Variants in WFIKKN2 observed in about 807,000 individuals in gnomAD.
WFIKKN2 encodes WAP, follistatin/kazal, immunoglobulin, kunitz and netrin domain containing 2.
WFIKKN2 carries 25 observed loss-of-function variants against 39.2 expected under a neutral mutation model. The ratio of observed to expected loss-of-function variants is 0.64; its 90% CI spans 0.47 to 0.89. The LOEUF is 0.89. Ranked by LOEUF, WFIKKN2 falls within the 40% of genes least tolerant of loss-of-function variation. The pLI, the probability that WFIKKN2 is intolerant of heterozygous loss-of-function variation, is 0.00. For missense variants in WFIKKN2, 770 were observed against 811.7 expected (o/e 0.95, Z 0.62); for synonymous variants, 345 against 329.7 (o/e 1.05, Z -0.50).
Position 50,839,895 on chromosome 17 carries a change from C to A in WFIKKN2, c.607C>A (p.Pro203Thr), listed in dbSNP as rs1339861171. Residue 203 changes from proline (P) to threonine (T), a missense_variant, in exon 2 of 2, where the codon CCT (proline) becomes ACT (threonine). Physicochemically the swap from Pro to Thr is conservative, Grantham distance 38. Transcript: ENST00000311378. ...MHPTTASPET[P>T]ELDMAAPALL... ...CCCCACCACAGCCTCCCCAGAGACC[C>A]CTGAGCTGGACATGGCGGCCCCTGC... The A allele has an allele frequency of 6.2e-7, 1 of 1,614,066 alleles. No homozygotes were observed. Among genetic ancestry groups the A allele is most frequent in the African/African-American group, 1.3e-5 (1 of 74,928 alleles).
At position 50,840,061 on chromosome 17, in the gene WFIKKN2, A is replaced by G. The variant is rs771358823; in HGVS notation, c.773A>G (p.Asn258Ser). Residue 258 changes from asparagine to serine, a missense_variant, in exon 2 of 2, where the codon AAC (asparagine) becomes AGC (serine). Physicochemically the swap from Asn to Ser is conservative, Grantham distance 46. Transcript: ENST00000311378. ...CGGGAGAATGTGGTCATGCGGCCCA[A>G]CCATGTGCGTGGCAACGTGGTGGTC... is the stretch of plus-strand genomic sequence containing the variant. ...EDRENVVMRP[N>S]HVRGNVVVTN... 6.2e-7 allele frequency: 1 copy of G among 1,614,184 alleles called. No individual in the cohort carries two copies. The highest frequency in any genetic ancestry group is 1.1e-5 in the South Asian group (1 of 91,084).
chr17:50,835,945 C>T lies in WFIKKN2; in HGVS notation c.8C>T (p.Ala3Val), dbSNP rs781246142. Residue 3 changes from alanine (A) to valine (V), a missense_variant, in exon 1 of 2, where the codon GCC becomes GTC. By Grantham distance (64) the Ala-to-Val change is moderately conservative (BLOSUM62 0). Coordinates refer to ENST00000311378, the MANE Select transcript of WFIKKN2 (RefSeq NM_175575.6). The part of the protein sequence containing the change: MW[A>V]PRCRRFWSRW... Reference sequence around the variant, plus strand: ...GCCGCCCCAGCCTGCACCATGTGGGCCCCAAGGTGTCGCCGGTTCTGGTCT... The same window carrying T: ...GCCGCCCCAGCCTGCACCATGTGGGTCCCAAGGTGTCGCCGGTTCTGGTCT... 1 of 1,611,042 alleles carries T rather than the reference C, an allele frequency of 6.2e-7. No individual in the cohort carries two copies. The highest frequency in any genetic ancestry group is 8.5e-7 in the Non-Finnish European group (1 of 1,178,866).
In WFIKKN2 at chr17:50,839,844, CCCCCACCACCTGAGACCACCATGCA is replaced by C; in HGVS notation, c.566_590del (p.Pro189GlnfsTer31). The C allele has an allele frequency of 1.2e-6, 2 of 1,614,196 alleles. No individual in the cohort carries two copies. Among genetic ancestry groups the C allele is most frequent in the Non-Finnish European group, 8.5e-7 (1 of 1,180,034 alleles). Reference sequence around the variant, plus strand: ...TCACTTCACCTGGCCCAACACCAGCCCCCCACCACCTGAGACCACCATGCACCCCACCACAGCCTCCCCAGAGACC... The same window carrying C: ...TCACTTCACCTGGCCCAACACCAGCCCCCCACCACAGCCTCCCCAGAGACC... On this transcript the variant is annotated frameshift_variant, in exon 2 of 2. Coordinates refer to ENST00000311378, the MANE Select transcript of WFIKKN2 (RefSeq NM_175575.6). LOFTEE classifies it high-confidence loss of function.
At chr17:50,838,656 C>T (rs1971989758) in intron 1 of WFIKKN2, among the ~76,000 whole-genome samples, 1 of 152,228 alleles carries the variant, frequency 6.6e-6, no homozygotes, top group South Asian at 2.1e-4. Flanking sequence ...CTGACCTTTG[C>T]CACACAAGGG....
Position 50,841,631 on chromosome 17 carries a change from G to C in WFIKKN2, c.*612G>C, listed in dbSNP as rs915242960. On this transcript the variant is annotated 3_prime_UTR_variant, in exon 2 of 2. Transcript: ENST00000311378. ...TGGGTGGTGGTCGGCTTGCCTCTGA[G>C]GCCACCACGGCACCAGCAGAATACG... The C allele has an allele frequency of 6.6e-6, 1 of 152,204 alleles. No homozygotes were observed. The highest frequency in any genetic ancestry group is 1.5e-5 in the Non-Finnish European group (1 of 68,110). The allele number at this position is 152,204 out of a possible 1,614,324, so 9.4% of individuals were successfully genotyped here. A position where few individuals can be genotyped will look rare whatever the true frequency, so the allele number is the denominator to read the frequency against.
At chr17:50,838,797 C>T (rs145036852) in intron 1 of WFIKKN2, among the ~76,000 whole-genome samples, 21 of 152,276 alleles carry the variant, frequency 1.4e-4, no homozygotes, top group Admixed American at 3.9e-4. Context: ...GGCTGTGGAT[C>T]GATCTGGGCC....
At position 50,839,527 on chromosome 17, in the gene WFIKKN2, C is replaced by T; in HGVS notation, c.239C>T (p.Pro80Leu). ...QECETYEKCC[P>L]NVCGTKSCVA... ...TGTGAGACCTATGAGAAGTGCTGCCCCAACGTATGTGGGACCAAGAGCTGC... is the reference window on the plus strand; with the variant it reads ...TGTGAGACCTATGAGAAGTGCTGCCTCAACGTATGTGGGACCAAGAGCTGC... Residue 80 changes from proline to leucine, a missense_variant, in exon 2 of 2, where the codon CCC (proline) becomes CTC (leucine). Pro to Leu is a moderately conservative substitution (Grantham distance 98, BLOSUM62 -3). Transcript: ENST00000311378. The T allele has an allele frequency of 6.2e-7, 1 of 1,613,952 alleles. No individual in the cohort carries two copies. Among genetic ancestry groups the T allele is most frequent in the Non-Finnish European group, 8.5e-7 (1 of 1,179,908 alleles).
At position 50,839,779 on chromosome 17, in the gene WFIKKN2, G is replaced by T; in HGVS notation, c.491G>T (p.Cys164Phe). ...CGCTGCTACATGGATGCCGAGGCCT[G>T]CTCCAAAGGCATCACACTGGCCGTT... ...YNRCYMDAEA[C>F]SKGITLAVVT... The change falls in exon 2 of 2, where the codon TGC (cysteine) becomes TTC (phenylalanine). Residue 164 changes from cysteine to phenylalanine, a missense_variant. Cys to Phe is a radical substitution (Grantham distance 205, BLOSUM62 -2). Transcript: ENST00000311378. 6.2e-7 allele frequency: 1 copy of T among 1,614,246 alleles called. No individual in the cohort carries two copies. The highest frequency in any genetic ancestry group is 8.5e-7 in the Non-Finnish European group (1 of 1,180,046).
intron 1 of WFIKKN2, 149 bp from the exon 2 acceptor site, chr17:50,839,350 C>T (rs557863263): frequency 1.4e-5 from 10 of 715,098 alleles, no homozygotes; most frequent in South Asian, 9.6e-5. Flanking sequence ...GGAGATGCTA[C>T]GTATGCATTC....
chr17:50,837,316 C>T lies in WFIKKN2; in HGVS notation c.210+1169C>T, dbSNP rs569641601. Among the ~76,000 whole-genome samples the T allele has an allele frequency of 1.1e-4, 16 of 152,318 alleles. No individual in the cohort carries two copies. In the South Asian group the frequency reaches 3.3e-3, roughly 32 times the overall value. On this transcript the variant is annotated intron_variant, in intron 1 of 1. Transcript: ENST00000311378. ...AGGCTGACGGCAGGCCAAGCAGGAG[C>T]AGCTCTGAATGGATCTCTGGTGTCC...
chr17:50,836,670 C>T (rs1487424925), intron 1 of WFIKKN2, among the ~76,000 whole-genome samples: 1 of 34,454 alleles, frequency 2.9e-5, no homozygotes, highest in Non-Finnish European at 5.5e-5. Context: ...GAGTGTGAGG[C>T]GGACCAGGTG....
In WFIKKN2 at chr17:50,840,593, G is replaced by T; in HGVS notation, c.1305G>T (p.Ser435=). Reference sequence around the variant, plus strand: ...AGAGCCGTGAGGCCTGTGAGGAGTCGTGCCCCTTCCCCAGGGGGAACCAGC... The same window carrying T: ...AGAGCCGTGAGGCCTGTGAGGAGTCTTGCCCCTTCCCCAGGGGGAACCAGC... The part of the protein sequence containing the change: ...NFESREACEE[S]CPFPRGNQRC... The change falls in exon 2 of 2, where the codon TCG becomes TCT. Residue 435 remains serine (S), a synonymous_variant. Coordinates refer to ENST00000311378, the MANE Select transcript of WFIKKN2 (RefSeq NM_175575.6). The T allele has an allele frequency of 6.2e-7, 1 of 1,613,982 alleles. No individual in the cohort carries two copies.
rs1972032956 is a variant in WFIKKN2 at position 50,840,695 on chromosome 17, C to T, written c.1407C>T (p.Val469=). 6.2e-7 allele frequency: 1 copy of T among 1,613,986 alleles called. No homozygotes were observed. Among genetic ancestry groups the T allele is most frequent in the Non-Finnish European group, 8.5e-7 (1 of 1,180,022 alleles). Residue 469 remains valine, a synonymous_variant, in exon 2 of 2, where the codon GTC becomes GTT. Transcript: ENST00000311378. The stretch of plus-strand genomic sequence containing the variant: ...GCGACTTTGTCATCCTGGGCCGAGT[C>T]TCTGAGCTGACCGAGGAGCCTGACT... ...CRSDFVILGR[V]SELTEEPDSG... is the part of the protein sequence containing the mutation.
At position 50,841,267 on chromosome 17, in the gene WFIKKN2, G is replaced by A. The variant is rs935323309; in HGVS notation, c.*248G>A. The A allele has an allele frequency of 4.5e-5, 18 of 395,820 alleles. No homozygotes were observed. The highest frequency in any genetic ancestry group is 7.7e-5 in the Non-Finnish European group (17 of 222,074). 24.5% of individuals were successfully genotyped at this position (395,820 alleles called of 1,614,324 possible). On this transcript the variant is annotated 3_prime_UTR_variant, in exon 2 of 2. Transcript: ENST00000311378. ...GTCAGTGGACACATGGAAGTTACTCGTGACCACCAGCTTGCTCAGATATTC... is the reference window on the plus strand; with the variant it reads ...GTCAGTGGACACATGGAAGTTACTCATGACCACCAGCTTGCTCAGATATTC...
chr17:50,836,345 C>T (rs1455684292), intron 1 of WFIKKN2, among the ~76,000 whole-genome samples, 198 bp downstream of exon 1: 1 of 149,966 alleles, frequency 6.7e-6, no homozygotes, highest in Non-Finnish European at 1.5e-5. Context: ...GATCCAGAAG[C>T]CACAGTGTGA....
chr17:50,836,019 G>C lies in WFIKKN2; in HGVS notation c.82G>C (p.Val28Leu). ...ALLLLLLLLG[V>L]PPRSLALPPI... is the part of the protein sequence containing the mutation. ...GCTGCTGCTGCTGCTACTGCTCGGGGTGCCCCCGCGAAGCCTGGCGCTGCC... is the reference window on the plus strand; with the variant it reads ...GCTGCTGCTGCTGCTACTGCTCGGGCTGCCCCCGCGAAGCCTGGCGCTGCC... Residue 28 changes from valine (V) to leucine (L), a missense_variant, in exon 1 of 2, where the codon GTG becomes CTG. Transcript: ENST00000311378. The C allele has an allele frequency of 6.2e-7, 1 of 1,601,508 alleles. No homozygotes were observed. Among genetic ancestry groups the C allele is most frequent in the Non-Finnish European group, 8.5e-7 (1 of 1,174,552 alleles).
At chr17:50,838,664 G>A (rs1001998182) in intron 1 of WFIKKN2, among the ~76,000 whole-genome samples, 1 of 152,232 alleles carries the variant, frequency 6.6e-6, no homozygotes, top group Non-Finnish European at 1.5e-5. Context: ...TGCCACACAA[G>A]GGGACTTTTT....
In WFIKKN2 at chr17:50,840,932, A is replaced by G; in HGVS notation, c.1644A>G (p.Ala548=). 2 of 1,598,544 alleles carry G rather than the reference A, an allele frequency of 1.3e-6. No homozygotes were observed. The highest frequency in any genetic ancestry group is 1.7e-6 in the Non-Finnish European group (2 of 1,169,018). ...TGCGCCCCGATAGCTTTGTGGGCGC[A>G]TCGAGTGCCCGCCGGGTCAGGAAGC... is the stretch of plus-strand genomic sequence containing the variant. The part of the protein sequence containing the change: ...AMLRPDSFVG[A]SSARRVRKLR... Residue 548 remains alanine, a synonymous_variant, in exon 2 of 2, where the codon GCA becomes GCG. Coordinates refer to ENST00000311378, the MANE Select transcript of WFIKKN2 (RefSeq NM_175575.6).
Position 50,840,303 on chromosome 17 carries a change from G to A in WFIKKN2, c.1015G>A (p.Glu339Lys), listed in dbSNP as rs753365907. The A allele has an allele frequency of 3.1e-5, 50 of 1,614,060 alleles. No individual in the cohort carries two copies. The highest frequency in any genetic ancestry group is 1.7e-4 in the Middle Eastern group (1 of 6,054). ...GCCCCCAGACAGTGAGGACTGTGGC[G>A]AAGAGCAGACCCGCTGGCACTTCGA... ...LKPPDSEDCG[E>K]EQTRWHFDAQ... Residue 339 changes from glutamate to lysine, a missense_variant, in exon 2 of 2, where the codon GAA becomes AAA. Physicochemically the swap from Glu to Lys is moderately conservative, Grantham distance 56 (BLOSUM62 1). Coordinates refer to ENST00000311378, the MANE Select transcript of WFIKKN2 (RefSeq NM_175575.6).
Sources: allele counts gnomAD v4.1 joint callset (sites outside exome capture counted in the v4.1 genomes callset), GRCh38; gene constraint gnomAD v4.1.1; transcripts MANE v1.5; gene names NCBI Gene and HGNC (gene_info 2026-07-23, HGNC 2026-07-21).